FAM171A1: variants seen among roughly 807,000 people sequenced by gnomAD.
FAM171A1 encodes the protein family with sequence similarity 171 member A1.
Under a neutral mutation model 74.9 loss-of-function variants are expected in FAM171A1, and 23 were observed. The observed-to-expected ratio is 0.31, with a 90% CI of 0.22 to 0.44. The LOEUF is 0.44. FAM171A1 is among the 20% of genes least tolerant of loss of function. The pLI is 1.00. For synonymous variants in FAM171A1, 527 were observed against 505.7 expected, an observed-to-expected ratio of 1.04 and a Z score of -0.57; for missense variants, 1,162 against 1,159.2, an observed-to-expected ratio of 1.00 and a Z score of -0.03.
intron 1 of FAM171A1, among the ~76,000 whole-genome samples, chr10:15,297,512 A>T (rs774222454): frequency 6.6e-6 from 1 of 152,154 alleles, no homozygotes; most frequent in Non-Finnish European, 1.5e-5. Flanking sequence ...TGCTTCCCAT[A>T]AGAAATTTGT....
At chr10:15,348,862 T>C (rs754713247) in intron 1 of FAM171A1, among the ~76,000 whole-genome samples, 9 of 152,236 alleles carry the variant, frequency 5.9e-5, no homozygotes, top group African/African-American at 9.6e-5. Context: ...TGACTTTCAC[T>C]GTACTCCATT....
At position 15,291,158 on chromosome 10, in the gene FAM171A1, A is replaced by G. The variant is rs143200493; in HGVS notation, c.98-7053T>C. Among the ~76,000 whole-genome samples, 1,134 of 152,264 alleles carry G rather than the reference A, an allele frequency of 7.4e-3. 10 individuals carry two copies. Among genetic ancestry groups the G allele is most frequent in the Non-Finnish European group, 0.012 (830 of 68,024 alleles). Reference sequence around the variant, plus strand: ...AGCCACCACGTCCGGCCATACCACTATTTTAGAGGGTCTGGGGTGGCCCAT... The same window carrying G: ...AGCCACCACGTCCGGCCATACCACTGTTTTAGAGGGTCTGGGGTGGCCCAT... On this transcript the variant is annotated intron_variant, in intron 1 of 7. Coordinates refer to ENST00000378116, the MANE Select transcript of FAM171A1 (RefSeq NM_001010924.2).
intron 1 of FAM171A1, among the ~76,000 whole-genome samples, chr10:15,342,429 G>A (rs1323077303): frequency 1.3e-5 from 2 of 152,142 alleles, no homozygotes; most frequent in African/African-American, 4.8e-5. Flanking sequence ...AATTAGCTGG[G>A]TGTGGTAGCG....
chr10:15,310,381 G>T (rs1222729745), intron 1 of FAM171A1, among the ~76,000 whole-genome samples: 1 of 152,150 alleles, frequency 6.6e-6, no homozygotes, highest in Non-Finnish European at 1.5e-5. Flanking sequence ...GACCTAAGAA[G>T]GTTAAACATG....
intron 3 of FAM171A1, among the ~76,000 whole-genome samples, chr10:15,263,432 T>C (rs1235117572): frequency 6.6e-6 from 1 of 152,244 alleles, no homozygotes; most frequent in Non-Finnish European, 1.5e-5. Context: ...AAGAAAATGA[T>C]TCGTATAATT....
intron 1 of FAM171A1, among the ~76,000 whole-genome samples, chr10:15,315,665 G>T (rs1835413676): frequency 6.6e-6 from 1 of 152,030 alleles, no homozygotes; most frequent in African/African-American, 2.4e-5. Context: ...CTCACTAATC[G>T]AGATCACAGA....
chr10:15,307,210 G>A (rs563153164), intron 1 of FAM171A1, among the ~76,000 whole-genome samples: 8 of 152,124 alleles, frequency 5.3e-5, no homozygotes, highest in African/African-American at 9.7e-5. Context: ...CCATTTGCTT[G>A]CAGGGTGCAA....
intron 5 of FAM171A1, among the ~76,000 whole-genome samples, chr10:15,245,249 T>G (rs1834417550): frequency 1.3e-5 from 2 of 152,114 alleles, no homozygotes; most frequent in African/African-American, 2.4e-5. Context: ...GTATTTTTAG[T>G]AAAGATGGGG....
chr10:15,268,947 C>G (rs1834784869), intron 3 of FAM171A1, among the ~76,000 whole-genome samples: 1 of 152,168 alleles, frequency 6.6e-6, no homozygotes, highest in Non-Finnish European at 1.5e-5. Context: ...GAGGCTGATG[C>G]ATGAAAATCA....
At chr10:15,339,787 G>A (rs987653404) in intron 1 of FAM171A1, among the ~76,000 whole-genome samples, 11 of 152,062 alleles carry the variant, frequency 7.2e-5, no homozygotes, top group African/African-American at 2.4e-4. Flanking sequence ...AGACATACCC[G>A]AGACTGGGTA....
chr10:15,320,337 A>G (rs1432777587), intron 1 of FAM171A1, among the ~76,000 whole-genome samples: 4 of 152,192 alleles, frequency 2.6e-5, no homozygotes, highest in South Asian at 2.1e-4. Context: ...TCCATGGCAT[A>G]TATGTACCAC....
At chr10:15,273,699 C>T (rs1215985001) in intron 3 of FAM171A1, among the ~76,000 whole-genome samples, 1 of 152,174 alleles carries the variant, frequency 6.6e-6, no homozygotes, top group East Asian at 1.9e-4. Flanking sequence ...ATCAAGTTGG[C>T]TTCATCTCTG....
chr10:15,321,527 T>C (rs1390775604), intron 1 of FAM171A1, among the ~76,000 whole-genome samples: 3 of 152,244 alleles, frequency 2.0e-5, no homozygotes, highest in African/African-American at 4.8e-5. Flanking sequence ...CACAGTCAAA[T>C]AGTGGATTTC....
intron 5 of FAM171A1, among the ~76,000 whole-genome samples, chr10:15,240,618 C>T (rs569371361): frequency 1.3e-4 from 20 of 152,282 alleles, no homozygotes; most frequent in African/African-American, 3.1e-4. Context: ...TGATCCCACT[C>T]TCACGGGGTT....
intron 7 of FAM171A1, among the ~76,000 whole-genome samples, chr10:15,214,851 C>A (rs1441316332): frequency 1.3e-5 from 2 of 151,572 alleles, no homozygotes; most frequent in Non-Finnish European, 2.9e-5. Flanking sequence ...GGCTTGACCT[C>A]ATGGGCTCAA....
At chr10:15,357,021 G>C (rs540655291) in intron 1 of FAM171A1, among the ~76,000 whole-genome samples, 1 of 152,216 alleles carries the variant, frequency 6.6e-6, no homozygotes, top group Non-Finnish European at 1.5e-5. Context: ...GCTCATGCCT[G>C]TAATCCCAGC....
At position 15,267,049 on chromosome 10, in the gene FAM171A1, G is replaced by A. The variant is rs116822851; in HGVS notation, c.418+8806C>T. Among the ~76,000 whole-genome samples the A allele has an allele frequency of 7.1e-3, 1,085 of 152,258 alleles. 14 individuals carry two copies. Among genetic ancestry groups the A allele is most frequent in the African/African-American group, 0.025 (1,034 of 41,554 alleles). Reference sequence around the variant, plus strand: ...AGTTTAGCGCACGGTGTGTTGGAGAGCAGAGACTCGAGTTAGAAAGTCTAG... The same window carrying A: ...AGTTTAGCGCACGGTGTGTTGGAGAACAGAGACTCGAGTTAGAAAGTCTAG... On this transcript the variant is annotated intron_variant, in intron 3 of 7. Transcript: ENST00000378116.
intron 5 of FAM171A1, chr10:15,240,876 C>T (rs1011377261): frequency 4.1e-6 from 1 of 245,824 alleles, no homozygotes; most frequent in East Asian, 1.8e-4. Flanking sequence ...CCTATCTCTA[C>T]AAAAAAAAAA....
intron 6 of FAM171A1, among the ~76,000 whole-genome samples, chr10:15,219,521 T>C (rs1834009269): frequency 6.6e-6 from 1 of 152,230 alleles, no homozygotes; most frequent in African/African-American, 2.4e-5. Context: ...ATGGGGCATT[T>C]CTACGTGTGG....
Sources: allele counts gnomAD v4.1 joint callset (sites outside exome capture counted in the v4.1 genomes callset), GRCh38; gene constraint gnomAD v4.1.1; transcripts MANE v1.5; gene names NCBI Gene and HGNC (gene_info 2026-07-23, HGNC 2026-07-21).